Variants in ZSCAN5B observed in about 807,000 individuals in gnomAD.
ZSCAN5B encodes zinc finger and SCAN domain containing 5B.
Under a neutral mutation model 25.2 loss-of-function variants are expected in ZSCAN5B, and 26 were observed. The observed-to-expected ratio is 1.03, with a 90% CI of 0.76 to 1.43. The LOEUF is 1.43. Ranked by LOEUF, ZSCAN5B falls within the 40% of genes most tolerant of loss-of-function variation. ZSCAN5B has a pLI of 0.00. For missense variants in ZSCAN5B, 745 were observed against 622.1 expected (o/e 1.20, Z -2.10); for synonymous variants, 244 against 240.9 (o/e 1.01, Z -0.12).
intron 1 of ZSCAN5B, among the ~76,000 whole-genome samples, chr19:56,196,711 C>T (rs1438686554): frequency 1.3e-5 from 2 of 152,316 alleles, no homozygotes; most frequent in Admixed American, 6.5e-5. Flanking sequence ...AGCAGTGAAC[C>T]GCGATTGTGC....
chr19:56,191,476 CAAATT>C lies in ZSCAN5B; in HGVS notation c.588+369_588+373del, dbSNP rs148051842. ...AAATCACCAGTTGAGAAACACTCCT[CAAATT>C]AAGAAATCAACAGTCTGAGAAAGTG... is the stretch of plus-strand genomic sequence containing the variant. On this transcript the variant is annotated intron_variant, in intron 3 of 4. Transcript: ENST00000586855. 7.0e-3 allele frequency among the ~76,000 whole-genome samples: 1,072 copies of C among 152,290 alleles called. 12 individuals carry two copies. Among genetic ancestry groups the C allele is most frequent in the African/African-American group, 0.025 (1,030 of 41,536 alleles).
exon 5 of ZSCAN5B, chr19:56,189,968 G>A (rs1295678057): frequency 6.2e-7 from 1 of 1,613,970 alleles, no homozygotes; most frequent in Non-Finnish European, 8.5e-7. Flanking sequence ...TCCCCTTGTG[G>A]CTGAAAACTT....
Position 56,197,684 on chromosome 19 carries a change from C to A in ZSCAN5B, c.-128+50G>T. 3.1e-6 allele frequency: 3 copies of A among 956,378 alleles called. No homozygotes were observed. In the South Asian group the frequency reaches 1.4e-4, roughly 46 times the overall value. The allele number at this position is 956,378 out of a possible 1,614,324, so 59.2% of individuals were successfully genotyped here. Reference sequence around the variant, plus strand: ...AAACCCAAACTTTCTGAAACCAACCCCCCGCATGCCAGCTCCGAAACCCCA... The same window carrying A: ...AAACCCAAACTTTCTGAAACCAACCACCCGCATGCCAGCTCCGAAACCCCA... On this transcript the variant is annotated intron_variant, in intron 1 of 4. Transcript: ENST00000586855.
Position 56,192,088 on chromosome 19 carries a change from G to C in ZSCAN5B, c.385-35C>G, listed in dbSNP as rs765732070. On this transcript the variant is annotated intron_variant, in intron 2 of 4. Transcript: ENST00000586855. ...GAAAAAAGACAATCAGACACTATGA[G>C]AACCTGAAAGTAGCTCTCATATTTC... 18 of 1,561,884 alleles carry C rather than the reference G, an allele frequency of 1.2e-5. No individual in the cohort carries two copies. The South Asian group carries it at 1.6e-4, about 14-fold the overall frequency.
exon 4 of ZSCAN5B, chr19:56,190,967 G>C (rs754007779): frequency 1.5e-5 from 25 of 1,613,828 alleles, no homozygotes; most frequent in Non-Finnish European, 2.0e-5. Context: ...CAATACTCTT[G>C]TGTAGCAGAA....
At chr19:56,193,244 A>C in intron 1 of ZSCAN5B, 65 bp from the exon 2 acceptor site, 8 of 616,702 alleles carry the variant, frequency 1.3e-5, no homozygotes, top group East Asian at 3.0e-5. Context: ...TCCCTTCCAA[A>C]TCCCTCATCC....
chr19:56,191,720 T>C, intron 3 of ZSCAN5B, 130 bp downstream of exon 3: 1 of 755,206 alleles, frequency 1.3e-6, no homozygotes. Context: ...TGTTTGGGGA[T>C]GTATCATGTC....
At chr19:56,193,956 CAAAA>C (rs34181873) in intron 1 of ZSCAN5B, among the ~76,000 whole-genome samples, 7 of 123,638 alleles carry the variant, frequency 5.7e-5, no homozygotes, top group Admixed American at 8.3e-5. Flanking sequence ...GACTCCATCT[CAAAA>C]AAAAAAAAAA....
intron 1 of ZSCAN5B, 48 bp from the exon 2 acceptor site, chr19:56,193,227 A>C: frequency 1.4e-6 from 1 of 718,986 alleles, no homozygotes; most frequent in Non-Finnish European, 2.2e-6. Context: ...TCTACTCCAC[A>C]CACCCCTCCC....
At chr19:56,194,227 A>G (rs888723101) in intron 1 of ZSCAN5B, among the ~76,000 whole-genome samples, 3 of 151,100 alleles carry the variant, frequency 2.0e-5, no homozygotes, top group African/African-American at 4.9e-5. Flanking sequence ...TCTGTTCCTT[A>G]TCTCATTCCA....
chr19:56,190,947 C>T lies in ZSCAN5B; in HGVS notation c.629G>A (p.Gly210Asp), dbSNP rs754570826. Residue 210 changes from glycine to aspartate, a missense_variant, in exon 4 of 5, where the codon GGT (glycine) becomes GAT (aspartate). Physicochemically the swap from Gly to Asp is moderately conservative, Grantham distance 94. Coordinates refer to ENST00000586855, the Ensembl canonical transcript of ZSCAN5B. Reference sequence around the variant, plus strand: ...CTTGGGTCTCGGAGAGTTTGGGTCACCTGTTACGTCAATACTCTTGTGTAG... The same window carrying T: ...CTTGGGTCTCGGAGAGTTTGGGTCATCTGTTACGTCAATACTCTTGTGTAG... 1.1e-5 allele frequency: 18 copies of T among 1,613,932 alleles called. No homozygotes were observed. The South Asian group carries it at 1.5e-4, about 14-fold the overall frequency.
Position 56,190,880 on chromosome 19 carries a change from G to A in ZSCAN5B, c.696C>T (p.Asn232=), listed in dbSNP as rs147826615. The A allele has an allele frequency of 1.4e-4, 220 of 1,614,122 alleles. 1 individual carries two copies. In the East Asian group the frequency reaches 4.6e-3, roughly 34 times the overall value. ...GAGGCTCTGGGGATGACAGTCCTGG[G>A]TTCTCTTCCCTGTTTTCCTTCAGAT... Residue 232 remains asparagine (N), a synonymous_variant, in exon 4 of 5, where the codon AAC becomes AAT. Coordinates refer to ENST00000586855, the Ensembl canonical transcript of ZSCAN5B.
intron 3 of ZSCAN5B, among the ~76,000 whole-genome samples, 157 bp downstream of exon 3, chr19:56,191,693 G>A (rs1283913084): frequency 1.5e-5 from 2 of 135,972 alleles, no homozygotes. Context: ...CCCTCTCTGT[G>A]ATGGCTCAGG....
chr19:56,196,695 C>A (rs944795747), intron 1 of ZSCAN5B, among the ~76,000 whole-genome samples: 1 of 152,222 alleles, frequency 6.6e-6, no homozygotes, highest in African/African-American at 2.4e-5. Context: ...AGGATCACTT[C>A]AGCCCAGCAG....
exon 2 of ZSCAN5B, chr19:56,192,723 C>G: frequency 1.3e-6 from 2 of 1,598,356 alleles, no homozygotes; most frequent in South Asian, 1.1e-5. Context: ...CTTTGCAGCT[C>G]TGCACACCGT....
At chr19:56,190,941 G>A (rs2032723767) in exon 4 of ZSCAN5B, 1 of 1,613,916 alleles carries the variant, frequency 6.2e-7, no homozygotes, top group Non-Finnish European at 8.5e-7. Flanking sequence ...CGGAGAGTTT[G>A]GGTCACCTGT....
exon 1 of ZSCAN5B, chr19:56,197,861 C>CCA: frequency 2.0e-6 from 2 of 981,812 alleles, no homozygotes; most frequent in Non-Finnish European, 2.4e-6. Flanking sequence ...CTGCGCCGCG[C>CCA]CGTGATTGGT....
intron 3 of ZSCAN5B, 41 bp from the exon 4 acceptor site, chr19:56,191,028 A>C (rs752325114): frequency 6.2e-7 from 1 of 1,613,084 alleles, no homozygotes; most frequent in African/African-American, 1.3e-5. Context: ...CCGTGTCTAT[A>C]CTGGTGGAAG....
chr19:56,190,297 G>C (rs745610141), exon 5 of ZSCAN5B: 3 of 1,614,054 alleles, frequency 1.9e-6, no homozygotes. Context: ...TGACTGACCG[G>C]GCCCGCAGGG....
Sources: allele counts gnomAD v4.1 joint callset (sites outside exome capture counted in the v4.1 genomes callset), GRCh38; gene constraint gnomAD v4.1.1; transcripts MANE v1.5; gene names NCBI Gene and HGNC (gene_info 2026-07-23, HGNC 2026-07-21).